Variants in ANO10 observed in about 807,000 individuals in gnomAD.
The protein encoded by ANO10 is anoctamin-10.
Under a neutral mutation model 74.7 loss-of-function variants are expected in ANO10, and 77 were observed. That is an observed-to-expected ratio of 1.03 (90% confidence interval 0.86 to 1.25). The LOEUF is 1.25. ANO10 is among the 50% of genes most tolerant of loss of function. The pLI is 0.00. For synonymous variants in ANO10, 279 were observed against 284.9 expected (o/e 0.98, Z 0.21); for missense variants, 721 against 778.1 (o/e 0.93, Z 0.87).
intron 1 of ANO10, among the ~76,000 whole-genome samples, chr3:43,656,207 G>C: frequency 6.6e-6 from 1 of 151,366 alleles, no homozygotes. Flanking sequence ...GTGTCAATTG[G>C]TGCATTCACA....
At chr3:43,375,405 A>C (rs1341959523) in intron 12 of ANO10, among the ~76,000 whole-genome samples, 3 of 152,034 alleles carry the variant, frequency 2.0e-5, no homozygotes, top group Admixed American at 2.0e-4. Context: ...CCGAGAATGC[A>C]CCATTGCACT....
chr3:43,636,865 C>T (rs2083615869), intron 1 of ANO10, among the ~76,000 whole-genome samples: 1 of 152,182 alleles, frequency 6.6e-6, no homozygotes, highest in Non-Finnish European at 1.5e-5. Context: ...TCTGTCACCA[C>T]TAAAAAGGCC....
At chr3:43,394,591 C>T (rs1359380693) in intron 12 of ANO10, among the ~76,000 whole-genome samples, 2 of 152,152 alleles carry the variant, frequency 1.3e-5, no homozygotes, top group Non-Finnish European at 2.9e-5. Context: ...AAAACGACAA[C>T]AACAACGCCC....
chr3:43,541,137 G>C (rs936311510), intron 11 of ANO10, among the ~76,000 whole-genome samples: 23 of 152,128 alleles, frequency 1.5e-4, no homozygotes, highest in African/African-American at 5.6e-4. Context: ...CTCAACAATG[G>C]GAAATGGTGA....
chr3:43,591,001 T>G (rs977940811), intron 4 of ANO10, among the ~76,000 whole-genome samples: 1 of 152,252 alleles, frequency 6.6e-6, no homozygotes, highest in Non-Finnish European at 1.5e-5. Flanking sequence ...TCAAATCATC[T>G]GTCGCCTGAG....
chr3:43,648,110 C>T (rs1411440673), intron 1 of ANO10, among the ~76,000 whole-genome samples: 1 of 152,224 alleles, frequency 6.6e-6, no homozygotes, highest in East Asian at 1.9e-4. Flanking sequence ...CAGAATCTCA[C>T]CCTCCTCTGG....
intron 1 of ANO10, among the ~76,000 whole-genome samples, chr3:43,614,796 T>TAC (rs2083011815): frequency 1.4e-5 from 2 of 138,272 alleles, no homozygotes; most frequent in Non-Finnish European, 3.1e-5. Flanking sequence ...TATATATATA[T>TAC]ATATATAGGT....
At chr3:43,663,565 A>G (rs1331510462) in intron 1 of ANO10, among the ~76,000 whole-genome samples, 1 of 152,186 alleles carries the variant, frequency 6.6e-6, no homozygotes, top group East Asian at 1.9e-4. Flanking sequence ...AGAAAGCAAT[A>G]AAGGTTTTCA....
At chr3:43,652,572 T>C (rs1216821585) in intron 1 of ANO10, among the ~76,000 whole-genome samples, 1 of 152,124 alleles carries the variant, frequency 6.6e-6, no homozygotes, top group Non-Finnish European at 1.5e-5. Flanking sequence ...AATTAGATAA[T>C]GGTGATGGTT....
chr3:43,634,507 G>C (rs2083586101), intron 1 of ANO10, among the ~76,000 whole-genome samples: 1 of 152,040 alleles, frequency 6.6e-6, no homozygotes. Flanking sequence ...TGTTGGGGTG[G>C]TGGTATGTGT....
chr3:43,486,032 G>A (rs551906441), intron 11 of ANO10, among the ~76,000 whole-genome samples: 1 of 152,348 alleles, frequency 6.6e-6, no homozygotes, highest in African/African-American at 2.4e-5. Context: ...AGACAGAAGT[G>A]GCCTTGCAAA....
intron 11 of ANO10, among the ~76,000 whole-genome samples, chr3:43,508,380 G>A (rs2077375874): frequency 6.6e-6 from 1 of 152,232 alleles, no homozygotes; most frequent in African/African-American, 2.4e-5. Flanking sequence ...GTGGAAGACA[G>A]TGTGGTGATT....
chr3:43,668,405 G>C (rs1177522951), intron 1 of ANO10, among the ~76,000 whole-genome samples: 2 of 151,820 alleles, frequency 1.3e-5, no homozygotes, highest in East Asian at 3.9e-4. Flanking sequence ...TATTTCTTTT[G>C]CTGTGCAGAA....
chr3:43,486,495 T>A (rs531661523), intron 11 of ANO10, among the ~76,000 whole-genome samples: 306 of 150,744 alleles, frequency 2.0e-3, no homozygotes, highest in African/African-American at 6.9e-3. Context: ...AGCAGTGGTT[T>A]GTAGTTCTCC....
intron 12 of ANO10, among the ~76,000 whole-genome samples, chr3:43,371,261 C>T (rs796546007): frequency 1.1e-4 from 17 of 152,282 alleles, no homozygotes; most frequent in African/African-American, 4.1e-4. Flanking sequence ...TTACTGTTCA[C>T]TAGTGGCCTC....
rs143500852 is a variant in ANO10, at chr3:43,662,123, G to C, written c.-12+29394C>G. The stretch of plus-strand genomic sequence containing the variant: ...TATACATTCTTCTCAGCACTACGTC[G>C]CACTTATTCTAAAAGTGACCACATA... On this transcript the variant is annotated intron_variant, in intron 1 of 3. Coordinates refer to the ANO10 transcript ENST00000413397. Among the ~76,000 whole-genome samples, 99 of 152,162 alleles carry C rather than the reference G, an allele frequency of 6.5e-4. 2 individuals carry two copies. The highest frequency in any genetic ancestry group is 2.3e-3 in the African/African-American group (96 of 41,492).
Position 43,653,428 on chromosome 3 carries a change from C to T in ANO10, c.-12+38089G>A, listed in dbSNP as rs992738724. Among the ~76,000 whole-genome samples, 5 of 152,298 alleles carry T rather than the reference C, an allele frequency of 3.3e-5. No homozygotes were observed. The South Asian group carries it at 1.0e-3, about 32-fold the overall frequency. On this transcript the variant is annotated intron_variant, in intron 1 of 3. Transcript: ENST00000413397. ...TTTGAAAGAAGTAAAATACACATGG[C>T]TGCATAGGTGGGAAAATAGGATTCT...
intron 1 of ANO10, among the ~76,000 whole-genome samples, chr3:43,659,954 G>C (rs529219188): frequency 6.6e-6 from 1 of 152,330 alleles, no homozygotes; most frequent in South Asian, 2.1e-4. Flanking sequence ...GGTCTGGAGT[G>C]GACATCCAGC....
chr3:43,570,506 AC>A (rs2080644668), intron 7 of ANO10, among the ~76,000 whole-genome samples: 1 of 152,216 alleles, frequency 6.6e-6, no homozygotes, highest in Non-Finnish European at 1.5e-5. Context: ...ATGGAACAGA[AC>A]AGAGCCCTCA....
Sources: gnomAD v4.1 joint callset for allele counts (sites outside exome capture counted in the v4.1 genomes callset) on GRCh38, gnomAD v4.1.1 for gene constraint, MANE v1.5 for transcripts, NCBI Gene and HGNC (gene_info 2026-07-23, HGNC 2026-07-21) for gene names.